Variants in TRIM37 observed in about 807,000 individuals in gnomAD.
TRIM37 encodes E3 ubiquitin-protein ligase TRIM37.
Under a neutral mutation model 129.8 loss-of-function variants are expected in TRIM37, and 80 were observed. The observed-to-expected ratio is 0.62, with a 90% CI of 0.51 to 0.74. The LOEUF (loss-of-function observed/expected upper bound fraction) is 0.74. Ranked by LOEUF, TRIM37 falls within the 30% of genes least tolerant of loss-of-function variation. The pLI is 0.00. For missense variants in TRIM37, 1,054 were observed against 1,176.5 expected, an observed-to-expected ratio of 0.90 and a Z score of 1.52; for synonymous variants, 389 against 387.1, an observed-to-expected ratio of 1.00 and a Z score of -0.06.
intron 2 of TRIM37, 25 bp downstream of exon 2, chr17:59,104,268 G>C (rs1476756754): frequency 1.9e-6 from 3 of 1,565,924 alleles, no homozygotes; most frequent in East Asian, 4.5e-5. Context: ...TATACTAACT[G>C]CATGTAAAAA....
In TRIM37 at chr17:59,060,053, G is replaced by C. The variant is rs138694705; in HGVS notation, c.1019+979C>G. 1.8e-3 allele frequency among the ~76,000 whole-genome samples: 279 copies of C among 152,240 alleles called. 3 individuals carry two copies. The highest frequency in any genetic ancestry group is 6.4e-3 in the African/African-American group (266 of 41,540). Reference sequence around the variant, plus strand: ...GAATACTCAAGGGGAACCCATTACGGATCTCTAGACTTCAGTCTCTGCAGC... The same window carrying C: ...GAATACTCAAGGGGAACCCATTACGCATCTCTAGACTTCAGTCTCTGCAGC... On this transcript the variant is annotated intron_variant, in intron 12 of 23. Coordinates refer to ENST00000262294, the MANE Select transcript of TRIM37 (RefSeq NM_015294.6).
At chr17:59,050,241 T>G (rs2040206223) in intron 14 of TRIM37, among the ~76,000 whole-genome samples, 1 of 152,124 alleles carries the variant, frequency 6.6e-6, no homozygotes. Context: ...AGAAACTAAG[T>G]CACTGACAGA....
intron 12 of TRIM37, among the ~76,000 whole-genome samples, chr17:59,058,390 G>A (rs1174209418): frequency 1.3e-5 from 2 of 152,162 alleles, no homozygotes; most frequent in African/African-American, 4.8e-5. Context: ...TGAGGGCAGA[G>A]GGTGGGAAAA....
At chr17:58,980,436 G>C, downstream of TRIM37, 9 of 1,614,054 alleles carry the variant, frequency 5.6e-6, no homozygotes, top group Non-Finnish European at 7.6e-6. This position sits in a 1 kb window ranked among gnomAD's most constrained non-coding sequence, Gnocchi z 4.7. Context: ...CTGAGCCCAG[G>C]GTCCCAAATC....
chr17:58,996,716 C>G (rs961809102), downstream of TRIM37, among the ~76,000 whole-genome samples: 1 of 149,690 alleles, frequency 6.7e-6, no homozygotes, highest in East Asian at 1.9e-4. Flanking sequence ...CTGCAGTGAG[C>G]CAAGCTGGTG....
At chr17:59,006,181 A>G (rs922728886) in intron 22 of TRIM37, among the ~76,000 whole-genome samples, 36 of 152,230 alleles carry the variant, frequency 2.4e-4, no homozygotes, top group African/African-American at 8.7e-4. Flanking sequence ...GTCTTTTATC[A>G]AGCACTAAGA....
At chr17:59,060,816 A>G (rs976111396) in intron 12 of TRIM37, among the ~76,000 whole-genome samples, 2 of 152,234 alleles carry the variant, frequency 1.3e-5, no homozygotes, top group African/African-American at 2.4e-5. Flanking sequence ...TCTAAGCCAG[A>G]TAGTAAAGAG....
intron 13 of TRIM37, among the ~76,000 whole-genome samples, chr17:59,053,087 C>T (rs1450106176): frequency 6.6e-6 from 1 of 152,066 alleles, no homozygotes; most frequent in African/African-American, 2.4e-5. Context: ...TAGGAAGTAC[C>T]CACTGGTAAG....
chr17:59,025,556 G>A (rs933299003), intron 19 of TRIM37, among the ~76,000 whole-genome samples: 3 of 152,130 alleles, frequency 2.0e-5, no homozygotes, highest in Non-Finnish European at 4.4e-5. Context: ...ATATGTGGGG[G>A]TTGGTTCCAG....
downstream of TRIM37, among the ~76,000 whole-genome samples, chr17:58,993,640 G>T (rs1224811234): frequency 6.6e-6 from 1 of 152,178 alleles, no homozygotes; most frequent in Non-Finnish European, 1.5e-5. Context: ...GGGAAGGGGG[G>T]TGGTTACCTA....
chr17:59,032,944 T>G (rs1020760277), intron 17 of TRIM37, among the ~76,000 whole-genome samples: 1 of 152,150 alleles, frequency 6.6e-6, no homozygotes, highest in African/African-American at 2.4e-5. Context: ...TGATGCACAT[T>G]ACAGACATCT....
At chr17:59,092,221 C>T (rs1447706342) in intron 2 of TRIM37, among the ~76,000 whole-genome samples, 1 of 151,738 alleles carries the variant, frequency 6.6e-6, no homozygotes, top group Admixed American at 6.6e-5. Flanking sequence ...GGTGAAACCC[C>T]GTCTCTACTA....
chr17:59,082,045 G>T lies in TRIM37; in HGVS notation c.370-826C>A, dbSNP rs184657548. On this transcript the variant is annotated intron_variant, in intron 5 of 23. Transcript: ENST00000262294. Reference sequence around the variant, plus strand: ...AGCACTGTGGGAGGCTGAGGCGGGTGGATCACCTGAGGTCAGGAGTTCGAG... The same window carrying T: ...AGCACTGTGGGAGGCTGAGGCGGGTTGATCACCTGAGGTCAGGAGTTCGAG... Among the ~76,000 whole-genome samples, 888 of 150,918 alleles carry T rather than the reference G, an allele frequency of 5.9e-3. 7 individuals are homozygous for T. The highest frequency in any genetic ancestry group is 0.01 in the Non-Finnish European group (694 of 67,650).
At chr17:58,990,019 GA>G (rs925783239) in intron 24 of TRIM37, among the ~76,000 whole-genome samples, 21 of 143,428 alleles carry the variant, frequency 1.5e-4, no homozygotes, top group Middle Eastern at 3.5e-3. Flanking sequence ...GACCCCCTCT[GA>G]AAAAAAAAAA....
chr17:59,066,087 A>G (rs906695032), intron 9 of TRIM37, among the ~76,000 whole-genome samples: 1 of 152,204 alleles, frequency 6.6e-6, no homozygotes, highest in African/African-American at 2.4e-5. Context: ...TAGAAGTCAC[A>G]TACTCTTGGA....
At chr17:59,000,429 G>A (rs183393830) in intron 23 of TRIM37, among the ~76,000 whole-genome samples, 1 of 151,990 alleles carries the variant, frequency 6.6e-6, no homozygotes, top group Non-Finnish European at 1.5e-5. Context: ...GTGAAACCCT[G>A]TCTCTACTAA....
intron 2 of TRIM37, among the ~76,000 whole-genome samples, chr17:59,100,625 TAGAG>T (rs1448100767): frequency 6.6e-6 from 1 of 152,108 alleles, no homozygotes; most frequent in Non-Finnish European, 1.5e-5. Flanking sequence ...ACAAGGCAAG[TAGAG>T]GGAGGAATTA....
At chr17:59,101,488 A>T (rs2045463002) in intron 2 of TRIM37, among the ~76,000 whole-genome samples, 1 of 151,780 alleles carries the variant, frequency 6.6e-6, no homozygotes, top group Non-Finnish European at 1.5e-5. Context: ...GACAAATATA[A>T]GTGAAACAGG....
At chr17:58,996,107 T>C (rs908732891), downstream of TRIM37, among the ~76,000 whole-genome samples, 2 of 152,100 alleles carry the variant, frequency 1.3e-5, no homozygotes, top group Admixed American at 6.6e-5. Flanking sequence ...CGTAAATCTA[T>C]AGTAGGAAAT....
Sources: allele counts gnomAD v4.1 joint callset (sites outside exome capture counted in the v4.1 genomes callset), GRCh38; gene constraint gnomAD v4.1.1; non-coding constraint Gnocchi (gnomAD v3.1); transcripts MANE v1.5; gene names NCBI Gene and HGNC (gene_info 2026-07-23, HGNC 2026-07-21).